PDE8B: variants seen among roughly 807,000 people sequenced by gnomAD.
PDE8B encodes high affinity cAMP-specific and IBMX-insensitive 3',5'-cyclic phosphodiesterase 8B.
In PDE8B, 26 loss-of-function variants were observed where a neutral mutation model predicts 101.3. The observed-to-expected ratio is 0.26, with a 90% confidence interval of 0.19 to 0.36. The LOEUF (loss-of-function observed/expected upper bound fraction) is 0.36. PDE8B is among the 10% of genes least tolerant of loss of function. The pLI is 1.00. For missense variants in PDE8B, 810 were observed against 1,163.1 expected (o/e 0.70, Z 4.42); for synonymous variants, 424 against 429.3 (o/e 0.99, Z 0.15).
chr5:77,382,853 T>C (rs1367337999), intron 10 of PDE8B, among the ~76,000 whole-genome samples: 1 of 152,224 alleles, frequency 6.6e-6, no homozygotes, highest in Non-Finnish European at 1.5e-5. Flanking sequence ...GGCATTTGGG[T>C]TGGTTCCAAG....
intron 1 of PDE8B, among the ~76,000 whole-genome samples, chr5:77,274,394 C>CCTT (rs1339260202): frequency 2.6e-5 from 4 of 152,188 alleles, no homozygotes; most frequent in African/African-American, 9.7e-5. Context: ...CTTCCTGCTG[C>CCTT]CTTCCTGCGG....
intron 20 of PDE8B, among the ~76,000 whole-genome samples, chr5:77,423,803 A>AT (rs1042802149): frequency 3.3e-5 from 5 of 151,244 alleles, no homozygotes; most frequent in Non-Finnish European, 5.9e-5. Context: ...TGCCCGGCTA[A>AT]TTTTTTGTAT....
At chr5:77,256,735 G>A (rs1180084988) in intron 1 of PDE8B, among the ~76,000 whole-genome samples, 4 of 152,152 alleles carry the variant, frequency 2.6e-5, no homozygotes, top group African/African-American at 4.8e-5. Flanking sequence ...ATGAGGTACT[G>A]CAAAGTTATT....
chr5:77,106,078 T>G, the PDE8B span: 2 of 152,254 alleles, frequency 1.3e-5, no homozygotes, highest in East Asian at 3.8e-4. Context: ...AGTCCTTTGT[T>G]AGATATATGT....
At chr5:77,189,379 G>C in the PDE8B span, among the ~76,000 whole-genome samples, 1 of 152,118 alleles carries the variant, frequency 6.6e-6, no homozygotes, top group East Asian at 1.9e-4. Flanking sequence ...GAGGAGAAAG[G>C]ATGCAAGTGT....
At chr5:77,160,314 T>C in the PDE8B span, among the ~76,000 whole-genome samples, 1 of 152,190 alleles carries the variant, frequency 6.6e-6, no homozygotes. Context: ...GGTTCCAGGA[T>C]GCCCGCTATA....
intron 18 of PDE8B, among the ~76,000 whole-genome samples, chr5:77,418,759 G>A (rs1217899803): frequency 6.6e-6 from 1 of 152,158 alleles, no homozygotes; most frequent in African/African-American, 2.4e-5. Context: ...TGTAACTCGA[G>A]GAAAATGTAT....
chr5:77,407,021 C>G (rs1267549351), intron 12 of PDE8B, among the ~76,000 whole-genome samples: 1 of 152,180 alleles, frequency 6.6e-6, no homozygotes, highest in Admixed American at 6.5e-5. Context: ...GACTGAAAGT[C>G]ATGGAACTGC....
chr5:77,166,043 C>T, the PDE8B span, among the ~76,000 whole-genome samples: 1 of 147,870 alleles, frequency 6.8e-6, no homozygotes, highest in East Asian at 2.0e-4. Context: ...TCAGAACAGA[C>T]AAAACATTAT....
At chr5:77,282,983 C>T (rs955137793) in intron 1 of PDE8B, among the ~76,000 whole-genome samples, 2 of 151,994 alleles carry the variant, frequency 1.3e-5, no homozygotes, top group East Asian at 1.9e-4. Context: ...CAGACCTGTC[C>T]AACCTGGGCC....
At chr5:77,227,925 C>T (rs565859236) in intron 1 of PDE8B, among the ~76,000 whole-genome samples, 9 of 152,276 alleles carry the variant, frequency 5.9e-5, no homozygotes, top group African/African-American at 2.2e-4. Flanking sequence ...TTCTTTATAA[C>T]ACATTACCAT....
In PDE8B at chr5:77,394,854, G is replaced by A. The variant is rs78641628; in HGVS notation, c.1168-5394G>A. On this transcript the variant is annotated intron_variant, in intron 10 of 21. Coordinates refer to ENST00000264917, the MANE Select transcript of PDE8B (RefSeq NM_003719.5). The stretch of plus-strand genomic sequence containing the variant: ...AAAAGGCTTTGGCTTTGCAGCAGGG[G>A]ATTGAGCCAAGGGACCTGGGCACTT... Among the ~76,000 whole-genome samples, 69 of 152,260 alleles carry A rather than the reference G, an allele frequency of 4.5e-4. 4 individuals are homozygous for A. In the East Asian group the frequency reaches 0.013, roughly 29 times the overall value.
At chr5:77,425,394 C>G (rs1397236707) in intron 20 of PDE8B, among the ~76,000 whole-genome samples, 1 of 152,088 alleles carries the variant, frequency 6.6e-6, no homozygotes, top group Non-Finnish European at 1.5e-5. Context: ...AACCCCTTCT[C>G]TACTAAAAAT....
chr5:77,118,043 T>C, the PDE8B span, among the ~76,000 whole-genome samples: 2 of 152,138 alleles, frequency 1.3e-5, no homozygotes, highest in Non-Finnish European at 2.9e-5. Context: ...CAAGCAATTC[T>C]TCTGCCACAG....
the PDE8B span, among the ~76,000 whole-genome samples, chr5:77,097,732 T>TATATATATATAC: frequency 4.9e-4 from 32 of 65,198 alleles, no homozygotes; most frequent in African/African-American, 1.2e-3. Context: ...TATATATATA[T>TATATATATATAC]ACATACATAT....
At chr5:77,425,729 C>T in intron 20 of PDE8B, 38 bp from the exon 21 acceptor site, 1 of 1,608,006 alleles carries the variant, frequency 6.2e-7, no homozygotes, top group Non-Finnish European at 8.5e-7. Flanking sequence ...AAGTGTCTCG[C>T]ATGTCCTCCA....
intron 10 of PDE8B, among the ~76,000 whole-genome samples, chr5:77,387,980 C>CT (rs1478588391): frequency 6.6e-6 from 1 of 152,044 alleles, no homozygotes; most frequent in Non-Finnish European, 1.5e-5. Flanking sequence ...TTCATCTAAC[C>CT]TTTTTTCAAG....
the PDE8B span, among the ~76,000 whole-genome samples, chr5:77,160,084 C>G: frequency 6.6e-6 from 1 of 152,242 alleles, no homozygotes; most frequent in South Asian, 2.1e-4. Context: ...CACCCCTAGC[C>G]CCTTCATCTA....
intron 1 of PDE8B, among the ~76,000 whole-genome samples, chr5:77,302,111 T>C (rs1282430169): frequency 2.6e-5 from 4 of 152,200 alleles, no homozygotes; most frequent in Non-Finnish European, 1.5e-5. Context: ...AATCTGATAT[T>C]TGTCAGGGGG....
Sources: allele counts gnomAD v4.1 joint callset (sites outside exome capture counted in the v4.1 genomes callset), GRCh38; gene constraint gnomAD v4.1.1; transcripts MANE v1.5; gene names NCBI Gene and HGNC (gene_info 2026-07-23, HGNC 2026-07-21).